IL5RA: variants seen among roughly 807,000 people sequenced by gnomAD.
IL5RA encodes the protein interleukin-5 receptor subunit alpha.
A neutral mutation model predicts 50.0 loss-of-function variants in IL5RA; 49 were observed. The observed-to-expected ratio is 0.98, with a 90% CI of 0.78 to 1.24. The LOEUF is 1.24. Ranked by LOEUF, IL5RA falls within the 50% of genes most tolerant of loss-of-function variation. The probability of loss-of-function intolerance (pLI) is 0.00; values close to 1 mark genes in which losing one functional copy is unlikely to be tolerated. For synonymous variants in IL5RA, 202 were observed against 174.0 expected, an observed-to-expected ratio of 1.16 and a Z score of -1.26; for missense variants, 600 against 500.4, an observed-to-expected ratio of 1.20 and a Z score of -1.90.
intron 9 of IL5RA, chr3:3,090,306 G>T (rs1574992001): frequency 7.6e-7 from 1 of 1,314,656 alleles, no homozygotes; most frequent in Non-Finnish European, 1.1e-6. Flanking sequence ...ATCAATCCTT[G>T]TAAAGGCTGA....
In IL5RA at chr3:3,074,989, C is replaced by A. The variant is rs562345228; in HGVS notation, c.1092-123G>T. 6.2e-6 allele frequency: 4 copies of A among 644,238 alleles called. No individual in the cohort carries two copies. The African/African-American group carries it at 7.3e-5, about 12-fold the overall frequency. 39.9% of individuals were successfully genotyped at this position (644,238 alleles called of 1,614,324 possible). ...CTGTTTTGTAAATTCAAAATCTTTA[C>A]GTACCAAGACTTCCAAAATTATAGG... On this transcript the variant is annotated intron_variant, in intron 10 of 11. Transcript: ENST00000446632.
chr3:3,092,236 G>A lies in IL5RA; in HGVS notation c.982C>T (p.Pro328Ser), dbSNP rs201918239. 4 of 1,613,636 alleles carry A rather than the reference G, an allele frequency of 2.5e-6. No individual in the cohort carries two copies. The highest frequency in any genetic ancestry group is 3.4e-6 in the Non-Finnish European group (4 of 1,179,888). ...EAGLWSEWSQ[P>S]IYVGNDEHKP... is the part of the protein sequence containing the mutation. ...ATAAGCTACTTACCCACATAAATAG[G>A]TTGGCTCCACTCACTCCAGAGCCCT... The change falls in exon 9 of 12, where the codon CCT becomes TCT. Residue 328 changes from proline to serine, a missense_variant. Pro to Ser is a moderately conservative substitution (Grantham distance 74). Coordinates refer to ENST00000446632, the MANE Select transcript of IL5RA (RefSeq NM_175726.4). This position sits in a 1 kb window ranked among gnomAD's most constrained non-coding sequence, Gnocchi z 4.2.
chr3:3,087,463 A>T (rs994728183), intron 9 of IL5RA, among the ~76,000 whole-genome samples: 2 of 152,182 alleles, frequency 1.3e-5, no homozygotes, highest in Non-Finnish European at 1.5e-5. Context: ...TTTTAAATTA[A>T]ATAACCTTGG....
At chr3:3,108,728 A>T (rs1035944303) in intron 1 of IL5RA, 37 bp from the exon 2 acceptor site, 1 of 152,196 alleles carries the variant, frequency 6.6e-6, no homozygotes, top group African/African-American at 2.4e-5. Context: ...CACAGCCCTA[A>T]TGTGCAATGT....
intron 2 of IL5RA, among the ~76,000 whole-genome samples, chr3:3,107,945 A>G (rs1333289170): frequency 6.6e-6 from 1 of 151,858 alleles, no homozygotes; most frequent in Non-Finnish European, 1.5e-5. Flanking sequence ...TTCCCAACTT[A>G]TTTTTCTGCC....
At chr3:3,104,809 T>C (rs555170190) in intron 3 of IL5RA, 94 bp downstream of exon 3, 39 of 698,234 alleles carry the variant, frequency 5.6e-5, no homozygotes, top group Non-Finnish European at 8.6e-5. Context: ...CCATATATAA[T>C]GTTCTAATCG....
intron 9 of IL5RA, among the ~76,000 whole-genome samples, chr3:3,085,957 CATGAATGA>C (rs1559866578): frequency 1.3e-5 from 2 of 150,072 alleles, no homozygotes; most frequent in Non-Finnish European, 2.9e-5. Context: ...GCTGTGACCT[CATGAATGA>C]GTGATCTGAA....
intron 11 of IL5RA, among the ~76,000 whole-genome samples, chr3:3,071,886 G>A (rs1338286893): frequency 3.3e-5 from 5 of 152,098 alleles, no homozygotes; most frequent in Non-Finnish European, 5.9e-5. Context: ...CACTGTGACC[G>A]GCCCTTCACT....
intron 9 of IL5RA, among the ~76,000 whole-genome samples, chr3:3,077,322 T>G (rs1017049983): frequency 2.0e-5 from 3 of 152,356 alleles, no homozygotes; most frequent in Admixed American, 6.5e-5. Context: ...ATTATTATAC[T>G]TTAAGTTTTA....
intron 9 of IL5RA, among the ~76,000 whole-genome samples, chr3:3,079,295 G>C (rs1702587991): frequency 6.6e-6 from 1 of 152,090 alleles, no homozygotes; most frequent in Admixed American, 6.6e-5. Flanking sequence ...GTTTCTCAAG[G>C]CTGACAACAT....
chr3:3,076,735 C>T (rs112349174), intron 9 of IL5RA, 108 bp from the exon 10 acceptor site: 18 of 654,630 alleles, frequency 2.7e-5, no homozygotes, highest in East Asian at 5.7e-5. Flanking sequence ...TTTGAGTTGC[C>T]GGTGCTGGGT....
intron 5 of IL5RA, among the ~76,000 whole-genome samples, chr3:3,100,479 A>G (rs748030818): frequency 1.3e-5 from 2 of 152,240 alleles, no homozygotes; most frequent in Non-Finnish European, 2.9e-5. Context: ...AACCTAATAT[A>G]TATTTGTCCA....
At chr3:3,084,962 T>C (rs1702797088) in intron 9 of IL5RA, among the ~76,000 whole-genome samples, 1 of 152,214 alleles carries the variant, frequency 6.6e-6, no homozygotes, top group African/African-American at 2.4e-5. Context: ...TAGGCACCAA[T>C]AGAGGTGGCT....
chr3:3,090,415 C>T (rs1574992131), intron 9 of IL5RA, among the ~76,000 whole-genome samples: 1 of 152,114 alleles, frequency 6.6e-6, no homozygotes, highest in East Asian at 1.9e-4. Context: ...GTGTGTGCCT[C>T]CCCAGGCTGA....
intron 9 of IL5RA, among the ~76,000 whole-genome samples, chr3:3,091,539 C>T (rs17882453): frequency 1.2e-4 from 19 of 152,290 alleles, no homozygotes; most frequent in Admixed American, 4.6e-4. Flanking sequence ...CGAGACCAGC[C>T]TGACCAACGT....
chr3:3,090,797 T>A (rs933107072), intron 9 of IL5RA, among the ~76,000 whole-genome samples: 5 of 151,954 alleles, frequency 3.3e-5, no homozygotes, highest in Admixed American at 2.6e-4. Context: ...ATGGTCTCGA[T>A]CTCCTGACCT....
chr3:3,071,579 G>A (rs1205466110), intron 11 of IL5RA, among the ~76,000 whole-genome samples: 1,818 of 87,796 alleles, frequency 0.021, 45 homozygotes, highest in African/African-American at 0.073. Context: ...GTGTGTGTGT[G>A]TGTGTGTGTG....
At chr3:3,076,651 A>G in intron 9 of IL5RA, 24 bp from the exon 10 acceptor site, 1 of 1,447,262 alleles carries the variant, frequency 6.9e-7, no homozygotes, top group Non-Finnish European at 9.7e-7. Context: ...AAAAAGAAAC[A>G]AAAAAATATA....
chr3:3,085,275 C>T (rs1426903109), intron 9 of IL5RA, among the ~76,000 whole-genome samples: 1 of 152,222 alleles, frequency 6.6e-6, no homozygotes, highest in Admixed American at 6.5e-5. Flanking sequence ...TACTTTTAAG[C>T]AATTTCTGCT....
Sources: allele counts gnomAD v4.1 joint callset (sites outside exome capture counted in the v4.1 genomes callset), GRCh38; gene constraint gnomAD v4.1.1; non-coding constraint Gnocchi (gnomAD v3.1); transcripts MANE v1.5; gene names NCBI Gene and HGNC (gene_info 2026-07-23, HGNC 2026-07-21).